CRB1: variants seen among roughly 807,000 people sequenced by gnomAD.
The protein encoded by CRB1 is crumbs cell polarity complex component 1.
A neutral mutation model predicts 120.0 loss-of-function variants in CRB1; 83 were observed. The observed-to-expected ratio is 0.69, with a 90% CI of 0.58 to 0.83. The LOEUF (loss-of-function observed/expected upper bound fraction) is 0.83, where lower values mean the gene tolerates loss of function less well. CRB1 is among the 40% of genes least tolerant of loss of function. The pLI, the probability that CRB1 is intolerant of heterozygous loss-of-function variation, is 0.00. For synonymous variants in CRB1, 625 were observed against 612.5 expected (o/e 1.02, Z -0.30); for missense variants, 1,699 against 1,687.6 (o/e 1.01, Z -0.12).
chr1:197,411,086 G>A (rs139183869), intron 5 of CRB1, among the ~76,000 whole-genome samples: 1 of 152,082 alleles, frequency 6.6e-6, no homozygotes, highest in Non-Finnish European at 1.5e-5. Context: ...CTTTTCTCCT[G>A]GTTAAACATT....
chr1:197,365,721 C>T (rs939711828), intron 5 of CRB1, among the ~76,000 whole-genome samples: 2 of 148,704 alleles, frequency 1.3e-5, no homozygotes, highest in Non-Finnish European at 3.0e-5. Flanking sequence ...CTCGTTCAAT[C>T]TGGGGAAAGA....
chr1:197,356,168 AGTTATGTT>A (rs1306564312), intron 4 of CRB1, among the ~76,000 whole-genome samples: 5 of 152,244 alleles, frequency 3.3e-5, no homozygotes, highest in African/African-American at 1.2e-4. Flanking sequence ...ATACAGTTCC[AGTTATGTT>A]AAAACAGTCA....
chr1:197,295,286 C>T (rs1185958409), intron 1 of CRB1, among the ~76,000 whole-genome samples: 2 of 151,894 alleles, frequency 1.3e-5, no homozygotes, highest in East Asian at 3.9e-4. Context: ...TGGATTGTGT[C>T]GTCAGGGTAC....
chr1:197,246,290 A>G, the CRB1 span, among the ~76,000 whole-genome samples: 2 of 152,092 alleles, frequency 1.3e-5, no homozygotes, highest in Admixed American at 6.6e-5. Flanking sequence ...GTTACAGTAT[A>G]CAAGTTTTCT....
chr1:197,459,254 A>G (rs1465021610), intron 11 of CRB1, among the ~76,000 whole-genome samples: 1 of 152,138 alleles, frequency 6.6e-6, no homozygotes, highest in Non-Finnish European at 1.5e-5. Flanking sequence ...TGATTTAGGT[A>G]TATGCCATGT....
At chr1:197,429,375 A>AT in intron 7 of CRB1, 74 bp from the exon 8 acceptor site, 1 of 1,530,754 alleles carries the variant, frequency 6.5e-7, no homozygotes, top group African/African-American at 1.4e-5. Flanking sequence ...AAAAACAGAT[A>AT]TGTGGTTTCA....
the CRB1 span, among the ~76,000 whole-genome samples, chr1:197,226,979 C>T: frequency 7.9e-5 from 12 of 152,162 alleles, no homozygotes; most frequent in Non-Finnish European, 2.9e-5. Flanking sequence ...TTCAAATTAT[C>T]TCCCACCAGG....
At chr1:197,219,525 A>T in the CRB1 span, among the ~76,000 whole-genome samples, 2 of 152,234 alleles carry the variant, frequency 1.3e-5, no homozygotes, top group Non-Finnish European at 2.9e-5. Context: ...TTCTTATACG[A>T]CTGCTAATAT....
At chr1:197,363,641 T>C (rs1255834681) in intron 5 of CRB1, among the ~76,000 whole-genome samples, 1 of 152,088 alleles carries the variant, frequency 6.6e-6, no homozygotes, top group East Asian at 1.9e-4. Flanking sequence ...GTTTGCAGGC[T>C]TTTGCTCCCT....
intron 1 of CRB1, among the ~76,000 whole-genome samples, chr1:197,316,681 A>G (rs367929321): frequency 1.3e-5 from 2 of 152,338 alleles, no homozygotes; most frequent in South Asian, 2.1e-4. Context: ...ATTTAATGTC[A>G]CATTCAAACT....
At chr1:197,210,897 C>T in the CRB1 span, among the ~76,000 whole-genome samples, 6 of 152,170 alleles carry the variant, frequency 3.9e-5, no homozygotes, top group Admixed American at 2.0e-4. Context: ...GCCTTAACAT[C>T]TTTAACAAGC....
chr1:197,223,168 T>C, the CRB1 span: 26 of 1,043,540 alleles, frequency 2.5e-5, no homozygotes, highest in East Asian at 5.9e-4. Flanking sequence ...TGGCTGTGAT[T>C]ATCACTTCTT....
chr1:197,333,849 G>C (rs1658998300), intron 2 of CRB1, among the ~76,000 whole-genome samples: 1 of 152,116 alleles, frequency 6.6e-6, no homozygotes, highest in Admixed American at 6.5e-5. Context: ...AGTGGCCATG[G>C]GCATGAAAGG....
the CRB1 span, among the ~76,000 whole-genome samples, chr1:197,252,578 A>ATGTGTGTGTGTG: frequency 2.8e-4 from 8 of 28,686 alleles, no homozygotes; most frequent in African/African-American, 7.4e-4. Context: ...ATATATATAT[A>ATGTGTGTGTGTG]TATATGTGTG....
intron 11 of CRB1, among the ~76,000 whole-genome samples, chr1:197,464,400 T>C (rs1666663702): frequency 6.6e-6 from 1 of 152,122 alleles, no homozygotes. Context: ...CTGAGGCTCC[T>C]AACTCAGCCA....
At chr1:197,254,109 CATTT>C in the CRB1 span, among the ~76,000 whole-genome samples, 14 of 152,130 alleles carry the variant, frequency 9.2e-5, no homozygotes, top group African/African-American at 3.4e-4. Flanking sequence ...AGGCTAGATA[CATTT>C]ATTTATAGAT....
At chr1:197,477,527 A>T in intron 11 of CRB1, 137 bp from the exon 12 acceptor site, 1 of 759,248 alleles carries the variant, frequency 1.3e-6, no homozygotes, top group East Asian at 2.6e-5. Flanking sequence ...ACTTTCTTTT[A>T]ATACCTTGGT....
intron 8 of CRB1, among the ~76,000 whole-genome samples, chr1:197,433,676 A>T (rs2125497095): frequency 6.6e-6 from 1 of 152,294 alleles, no homozygotes. Context: ...TAAAGCAATT[A>T]CACATATTTG....
chr1:197,445,771 T>C (rs567426642), intron 11 of CRB1, among the ~76,000 whole-genome samples: 3 of 152,252 alleles, frequency 2.0e-5, no homozygotes, highest in Non-Finnish European at 4.4e-5. Context: ...ACTTCTCTGC[T>C]TTTGTACTTA....
Sources: allele counts gnomAD v4.1 joint callset (sites outside exome capture counted in the v4.1 genomes callset), GRCh38; gene constraint gnomAD v4.1.1; transcripts MANE v1.5; gene names NCBI Gene and HGNC (gene_info 2026-07-23, HGNC 2026-07-21).